Variants in SHISA5 observed in about 807,000 individuals in gnomAD.
SHISA5 encodes shisa family member 5, also known as protein shisa-5.
SHISA5 carries 21 observed loss-of-function variants against 27.5 expected under a neutral mutation model. That is an observed-to-expected ratio of 0.76 (90% confidence interval 0.54 to 1.10). The LOEUF is 1.10. Among genes scored for constraint, SHISA5 ranks in the 50% least tolerant of loss-of-function variants. SHISA5 has a pLI of 0.00. For missense variants in SHISA5, 314 were observed against 336.3 expected, an observed-to-expected ratio of 0.93 and a Z score of 0.52; for synonymous variants, 137 against 142.2, an observed-to-expected ratio of 0.96 and a Z score of 0.26.
chr3:48,469,898 C>T lies in SHISA5; in HGVS notation c.315-55G>A. The T allele has an allele frequency of 6.4e-7, 1 of 1,573,816 alleles. No individual in the cohort carries two copies. The highest frequency in any genetic ancestry group is 8.6e-7 in the Non-Finnish European group (1 of 1,158,788). ...ACCTCGCCCCTCCCCAGACCAGCAT[C>T]CACACCTTCCCAAGGCATGCCCCTC... is the stretch of plus-strand genomic sequence containing the variant. On this transcript the variant is annotated intron_variant, in intron 3 of 5. Coordinates refer to ENST00000296444, the MANE Select transcript of SHISA5 (RefSeq NM_016479.6). This position sits in a 1 kb window ranked among gnomAD's most constrained non-coding sequence, Gnocchi z 4.6.
chr3:48,498,623 G>A (rs533636768), intron 2 of SHISA5, among the ~76,000 whole-genome samples: 45 of 150,542 alleles, frequency 3.0e-4, no homozygotes, highest in South Asian at 8.4e-4. Context: ...GCAGGTGGAG[G>A]TTGCCGTGAG....
At position 48,473,496 on chromosome 3, in the gene SHISA5, C is replaced by A; in HGVS notation, c.315-3653G>T. Reference sequence around the variant, plus strand: ...ATCCATCTAGGCCCAGAGGGCGACCCTGGGGCCCTGGCTGACACACATGCA... The same window carrying A: ...ATCCATCTAGGCCCAGAGGGCGACCATGGGGCCCTGGCTGACACACATGCA... On this transcript the variant is annotated intron_variant, in intron 3 of 5. Transcript: ENST00000296444. The surrounding 1 kb of genome is among the most constrained non-coding windows in gnomAD (Gnocchi z 4.3). 3.1e-6 allele frequency: 4 copies of A among 1,290,818 alleles called. No homozygotes were observed. The highest frequency in any genetic ancestry group is 4.0e-6 in the Non-Finnish European group (4 of 989,818). The allele number at this position is 1,290,818 out of a possible 1,614,324, so 80.0% of individuals were successfully genotyped here. A position where few individuals can be genotyped will look rare whatever the true frequency, so the allele number is the denominator to read the frequency against.
At chr3:48,475,980 T>C (rs2040814143) in intron 3 of SHISA5, among the ~76,000 whole-genome samples, 1 of 152,186 alleles carries the variant, frequency 6.6e-6, no homozygotes, top group Admixed American at 6.5e-5. Flanking sequence ...CGGCAGGGGT[T>C]CTGGGCCAGG....
At chr3:48,491,917 A>G (rs1362024782) in intron 2 of SHISA5, among the ~76,000 whole-genome samples, 3 of 151,930 alleles carry the variant, frequency 2.0e-5, no homozygotes, top group African/African-American at 4.8e-5. Context: ...CTGTCCCACA[A>G]ATGCATTTCT....
chr3:48,467,887 G>A lies in SHISA5; in HGVS notation c.*1220C>T. 1 of 504,082 alleles carries A rather than the reference G, an allele frequency of 2.0e-6. No homozygotes were observed. The allele number at this position is 504,082 out of a possible 1,614,324, so 31.2% of individuals were successfully genotyped here. A position where few individuals can be genotyped will look rare whatever the true frequency, so the allele number is the denominator to read the frequency against. ...AAGGGGGCAGCAGCTCCAAACGATT[G>A]CATTTATTATAAACAAGTGTACAGA... On this transcript the variant is annotated 3_prime_UTR_variant, in exon 6 of 6. Transcript: ENST00000296444.
At chr3:48,492,014 T>C (rs1205433715) in intron 2 of SHISA5, among the ~76,000 whole-genome samples, 1 of 151,380 alleles carries the variant, frequency 6.6e-6, no homozygotes, top group African/African-American at 2.4e-5. Flanking sequence ...TTTGATAATA[T>C]GTGAACAAGG....
chr3:48,493,735 G>A (rs1212387540), intron 2 of SHISA5, among the ~76,000 whole-genome samples: 2 of 145,524 alleles, frequency 1.4e-5, no homozygotes, highest in Non-Finnish European at 3.0e-5. Flanking sequence ...GTTTCACCAT[G>A]TTGCCCAGAC....
Position 48,501,266 on chromosome 3 carries a change from C to T in SHISA5, c.104G>A (p.Arg35His), listed in dbSNP as rs143335989. Residue 35 changes from arginine (R) to histidine (H), a missense_variant, in exon 2 of 6, where the codon CGT becomes CAT. By Grantham distance (29) the Arg-to-His change is conservative (BLOSUM62 0). Transcript: ENST00000296444. ...GGACTCGGGGAAGAGGCTGAGTCCA[C>T]GGGAAGCCATACACACCTCACCACG... Reference protein sequence around the residue: ...GARGEVCMASRGLSLFPESCP... With the variant: ...GARGEVCMASHGLSLFPESCP... The T allele has an allele frequency of 5.3e-5, 86 of 1,614,076 alleles. No homozygotes were observed. In the African/African-American group the frequency reaches 8.8e-4, roughly 17 times the overall value.
At chr3:48,484,194 CTT>C in intron 2 of SHISA5, among the ~76,000 whole-genome samples, 1 of 152,190 alleles carries the variant, frequency 6.6e-6, no homozygotes, top group Non-Finnish European at 1.5e-5. Context: ...TTATTTGAAA[CTT>C]TCCAAAATTA....
intron 2 of SHISA5, among the ~76,000 whole-genome samples, chr3:48,484,727 A>T (rs1305235646): frequency 1.3e-5 from 2 of 150,820 alleles, no homozygotes; most frequent in Non-Finnish European, 3.0e-5. Context: ...CCCCATCCCT[A>T]CTAAAAATAC....
chr3:48,476,248 G>A (rs1320158047), intron 3 of SHISA5, among the ~76,000 whole-genome samples: 1 of 152,006 alleles, frequency 6.6e-6, no homozygotes, highest in Non-Finnish European at 1.5e-5. Context: ...AGCTGAGGCA[G>A]GAGAATTGCT....
At chr3:48,475,140 A>C (rs2040778435) in intron 3 of SHISA5, among the ~76,000 whole-genome samples, 1 of 152,194 alleles carries the variant, frequency 6.6e-6, no homozygotes, top group Admixed American at 6.5e-5. Flanking sequence ...TTGTGAATTA[A>C]TCAATAAATA....
At chr3:48,504,259 G>GGGA (rs2041840515), upstream of SHISA5, 1 of 372,416 alleles carries the variant, frequency 2.7e-6, no homozygotes, top group East Asian at 3.9e-5. The surrounding 1 kb of genome is among the most constrained non-coding windows in gnomAD (Gnocchi z 4.0). Context: ...GGGAGGAGGA[G>GGGA]GGAGGAGGGA....
rs898844116 is a variant in SHISA5 at position 48,476,407 on chromosome 3, AGAG to A, written c.314+2767_314+2769del. Among the ~76,000 whole-genome samples the A allele has an allele frequency of 1.0e-3, 153 of 150,530 alleles. 2 individuals carry two copies. The highest frequency in any genetic ancestry group is 3.5e-3 in the African/African-American group (144 of 40,998). On this transcript the variant is annotated intron_variant, in intron 3 of 5. Transcript: ENST00000296444. ...CAGAGGCAAGGGTCCCAAAATAAGG[AGAG>A]GAGGAGGGGTCAGTGGCAGAGAGTG... is the stretch of plus-strand genomic sequence containing the variant.
intron 2 of SHISA5, among the ~76,000 whole-genome samples, chr3:48,498,902 T>A (rs202078530): frequency 1.3e-5 from 2 of 151,242 alleles, no homozygotes; most frequent in African/African-American, 4.9e-5. Context: ...GCCAACACGG[T>A]GAAACCCTGT....
intron 2 of SHISA5, among the ~76,000 whole-genome samples, chr3:48,493,571 T>C: frequency 8.8e-6 from 1 of 113,166 alleles, no homozygotes; most frequent in African/African-American, 4.0e-5. Flanking sequence ...GGCTCTGTCA[T>C]CCCGGCTGAA....
At chr3:48,503,073 C>T in intron 1 of SHISA5, 1 of 1,284,700 alleles carries the variant, frequency 7.8e-7, no homozygotes, top group Non-Finnish European at 1.0e-6. Context: ...CATTGACAAG[C>T]CCAGTTTGGC....
At chr3:48,480,966 GC>G (rs2040989660) in intron 2 of SHISA5, among the ~76,000 whole-genome samples, 2 of 151,792 alleles carry the variant, frequency 1.3e-5, no homozygotes, top group Admixed American at 1.3e-4. Context: ...GTGGTGGCGG[GC>G]ACCTGTAATC....
chr3:48,501,154 A>G lies in SHISA5; in HGVS notation c.216T>C (p.Cys72=). The G allele has an allele frequency of 5.6e-6, 9 of 1,611,944 alleles. No homozygotes were observed. The highest frequency in any genetic ancestry group is 6.8e-6 in the Non-Finnish European group (8 of 1,179,124). Residue 72 remains cysteine (C), a synonymous_variant, in exon 2 of 6, where the codon TGT becomes TGC. Transcript: ENST00000296444. ...LKKFVWSEER[C]AVPEASVPAS... ...GCACCCACCTGGCCTCAGGCACAGC[A>G]CACCTTTCCTCGCTCCACACAAATT...
Sources: allele counts gnomAD v4.1 joint callset (sites outside exome capture counted in the v4.1 genomes callset), GRCh38; gene constraint gnomAD v4.1.1; non-coding constraint Gnocchi (gnomAD v3.1); transcripts MANE v1.5; gene names NCBI Gene and HGNC (gene_info 2026-07-23, HGNC 2026-07-21).